Variants in CHCHD3 observed in about 807,000 individuals in gnomAD.
The protein encoded by CHCHD3 is MICOS complex subunit MIC19.
Under a neutral mutation model 38.2 loss-of-function variants are expected in CHCHD3, and 20 were observed. The observed-to-expected ratio is 0.52, with a 90% confidence interval of 0.37 to 0.76. CHCHD3 has a LOEUF of 0.76. CHCHD3 is among the 30% of genes least tolerant of loss of function. The probability of loss-of-function intolerance (pLI) is 0.00; values close to 1 mark genes in which losing one functional copy is unlikely to be tolerated. For synonymous variants in CHCHD3, 82 were observed against 100.0 expected, an observed-to-expected ratio of 0.82 and a Z score of 1.07; for missense variants, 245 against 279.2, an observed-to-expected ratio of 0.88 and a Z score of 0.87.
intron 2 of CHCHD3, among the ~76,000 whole-genome samples, chr7:133,060,975 A>C (rs1347891880): frequency 6.6e-6 from 1 of 151,834 alleles, no homozygotes; most frequent in Non-Finnish European, 1.5e-5. Context: ...GACTAGACAA[A>C]GAAGTTCAAC....
chr7:132,860,354 T>G (rs1585580153), intron 5 of CHCHD3, among the ~76,000 whole-genome samples: 1 of 92,916 alleles, frequency 1.1e-5, no homozygotes, highest in Admixed American at 1.1e-4. Flanking sequence ...CCACATTGTT[T>G]TTTGTTTGTT....
intron 2 of CHCHD3, 46 bp downstream of exon 2, chr7:133,070,096 T>G (rs1212102278): frequency 6.9e-7 from 1 of 1,458,478 alleles, no homozygotes; most frequent in Non-Finnish European, 9.4e-7. Flanking sequence ...CTTTTTCCAC[T>G]TATAATTTAT....
At position 132,997,659 on chromosome 7, in the gene CHCHD3, TAAAAAAA is replaced by T. The variant is rs71178073; in HGVS notation, c.252-22380_252-22374del. On this transcript the variant is annotated intron_variant, in intron 3 of 7. Coordinates refer to ENST00000262570, the MANE Select transcript of CHCHD3 (RefSeq NM_017812.4). Reference sequence around the variant, plus strand: ...CTTCTCACTGTAACTAACAGGGTTGTAAAAAAAAAAAAAAAAAAAAAAAAAAAAACAG... The same window carrying T: ...CTTCTCACTGTAACTAACAGGGTTGTAAAAAAAAAAAAAAAAAAAAAACAG... 2.4e-3 allele frequency among the ~76,000 whole-genome samples: 198 copies of T among 81,772 alleles called. 1 individual carries two copies. Among genetic ancestry groups the T allele is most frequent in the African/African-American group, 9.0e-3 (187 of 20,892 alleles). The allele number at this position is 81,772 out of a possible 152,430, so 53.6% of individuals were successfully genotyped here.
At chr7:132,996,483 G>A (rs1202824602) in intron 3 of CHCHD3, among the ~76,000 whole-genome samples, 4 of 152,164 alleles carry the variant, frequency 2.6e-5, no homozygotes, top group African/African-American at 9.7e-5. Flanking sequence ...AAACAAAATA[G>A]TCCAATTGAC....
At chr7:133,027,430 A>AAGGG (rs71930619) in intron 2 of CHCHD3, among the ~76,000 whole-genome samples, 3 of 108,146 alleles carry the variant, frequency 2.8e-5, no homozygotes, top group East Asian at 3.1e-4. Flanking sequence ...AGAAGGAAGG[A>AAGGG]AGGGAGGGAG....
At position 132,839,566 on chromosome 7, in the gene CHCHD3, G is replaced by T. The variant is rs76171496; in HGVS notation, c.454-1097C>A. ...CACCACCACAATACGGTAGTCTATTGTGTACCTTTCATTCTCTAATCACTC... is the reference window on the plus strand; with the variant it reads ...CACCACCACAATACGGTAGTCTATTTTGTACCTTTCATTCTCTAATCACTC... On this transcript the variant is annotated intron_variant, in intron 5 of 7. Transcript: ENST00000262570. 1.7e-4 allele frequency among the ~76,000 whole-genome samples: 26 copies of T among 152,332 alleles called. No individual in the cohort carries two copies. The East Asian group carries it at 4.2e-3, about 25-fold the overall frequency.
At chr7:133,024,730 C>A in intron 2 of CHCHD3, 103 bp from the exon 3 acceptor site, 1 of 863,460 alleles carries the variant, frequency 1.2e-6, no homozygotes, top group Admixed American at 1.9e-5. Context: ...TTTGAACAGG[C>A]AAAGTTCTGC....
At chr7:132,894,796 C>A (rs910630213) in intron 4 of CHCHD3, among the ~76,000 whole-genome samples, 3 of 152,164 alleles carry the variant, frequency 2.0e-5, no homozygotes, top group African/African-American at 7.2e-5. Flanking sequence ...CAAACTACCA[C>A]ATGATATACA....
intron 3 of CHCHD3, among the ~76,000 whole-genome samples, chr7:132,975,655 T>C (rs1267736924): frequency 6.6e-6 from 1 of 152,126 alleles, no homozygotes; most frequent in African/African-American, 2.4e-5. Flanking sequence ...AGGCCAGGCG[T>C]GGTGGCAGCT....
Position 133,035,511 on chromosome 7 carries a change from C to T in CHCHD3, c.170-10884G>A. ...GTAAGCATCCAGCAGCCCCAGAATT[C>T]GCCTCACTTCCTCCTTTGCATTCTC... On this transcript the variant is annotated intron_variant, in intron 2 of 7. Transcript: ENST00000262570. The surrounding 1 kb of genome is among the most constrained non-coding windows in gnomAD (Gnocchi z 4.7). The T allele has an allele frequency of 6.2e-7, 1 of 1,613,488 alleles. No individual in the cohort carries two copies. Among genetic ancestry groups the T allele is most frequent in the Non-Finnish European group, 8.5e-7 (1 of 1,179,488 alleles).
intron 3 of CHCHD3, among the ~76,000 whole-genome samples, chr7:133,015,786 G>A (rs1028801110): frequency 6.6e-6 from 1 of 151,246 alleles, no homozygotes; most frequent in African/African-American, 2.4e-5. Context: ...ATCTGAGACT[G>A]TGTAATTTAT....
chr7:133,041,035 C>T (rs1355679621), intron 2 of CHCHD3, among the ~76,000 whole-genome samples: 9 of 152,084 alleles, frequency 5.9e-5, no homozygotes, highest in Admixed American at 5.9e-4. Context: ...GGTTCTCTGC[C>T]CATGGCATCA....
At chr7:132,940,492 A>C (rs1014382480) in intron 4 of CHCHD3, among the ~76,000 whole-genome samples, 4 of 152,300 alleles carry the variant, frequency 2.6e-5, no homozygotes, top group African/African-American at 9.6e-5. Flanking sequence ...CTGCATCCTT[A>C]CAGGCAATTG....
At chr7:132,789,066 C>T (rs1806393638) in intron 7 of CHCHD3, among the ~76,000 whole-genome samples, 1 of 152,134 alleles carries the variant, frequency 6.6e-6, no homozygotes, top group Admixed American at 6.5e-5. Flanking sequence ...CTGGAGGGAT[C>T]CGTAGTCTGG....
At chr7:132,854,082 A>G (rs1190177361) in intron 5 of CHCHD3, among the ~76,000 whole-genome samples, 1 of 152,176 alleles carries the variant, frequency 6.6e-6, no homozygotes, top group African/African-American at 2.4e-5. Context: ...ATCATTTGCT[A>G]GTAAGAGTAT....
At chr7:132,860,921 G>A (rs1483591727) in intron 5 of CHCHD3, among the ~76,000 whole-genome samples, 1 of 152,166 alleles carries the variant, frequency 6.6e-6, no homozygotes, top group African/African-American at 2.4e-5. Flanking sequence ...ACCACTCCCG[G>A]CCCAGACTCA....
At chr7:133,075,560 TAGTA>T (rs745949041) in intron 1 of CHCHD3, among the ~76,000 whole-genome samples, 5 of 152,164 alleles carry the variant, frequency 3.3e-5, no homozygotes, top group Non-Finnish European at 5.9e-5. Context: ...CCCATTGCAG[TAGTA>T]AGTTCAGACC....
intron 2 of CHCHD3, among the ~76,000 whole-genome samples, chr7:133,059,544 G>A (rs930130727): frequency 6.6e-6 from 1 of 152,134 alleles, no homozygotes; most frequent in African/African-American, 2.4e-5. Context: ...AACTAAATTA[G>A]TAACTAGGAG....
intron 6 of CHCHD3, among the ~76,000 whole-genome samples, chr7:132,797,774 A>G (rs548825839): frequency 6.6e-6 from 1 of 152,352 alleles, no homozygotes; most frequent in South Asian, 2.1e-4. Context: ...TTGAAAAATG[A>G]TAATGAACCA....
Sources: gnomAD v4.1 joint callset for allele counts (sites outside exome capture counted in the v4.1 genomes callset) on GRCh38, gnomAD v4.1.1 for gene constraint, Gnocchi (gnomAD v3.1) non-coding constraint, MANE v1.5 for transcripts, NCBI Gene and HGNC (gene_info 2026-07-23, HGNC 2026-07-21) for gene names.